Variants in PKD2 observed in about 807,000 individuals in gnomAD.
PKD2 encodes the protein polycystin-2.
A neutral mutation model predicts 105.9 loss-of-function variants in PKD2; 48 were observed. The ratio of observed to expected loss-of-function variants is 0.45; its 90% confidence interval spans 0.36 to 0.58. The LOEUF (loss-of-function observed/expected upper bound fraction) is 0.58. PKD2 is among the 20% of genes least tolerant of loss of function. The pLI is 0.00. For synonymous variants in PKD2, 464 were observed against 481.1 expected, an observed-to-expected ratio of 0.96 and a Z score of 0.46; for missense variants, 1,078 against 1,255.3, an observed-to-expected ratio of 0.86 and a Z score of 2.13.
At chr4:88,018,863 A>G (rs538323812) in intron 1 of PKD2, among the ~76,000 whole-genome samples, 4 of 152,248 alleles carry the variant, frequency 2.6e-5, no homozygotes, top group African/African-American at 7.2e-5. Flanking sequence ...AAGCACGCTT[A>G]GTGTAATCAG....
At chr4:88,054,284 C>T (rs1295281812) in intron 7 of PKD2, among the ~76,000 whole-genome samples, 2 of 151,622 alleles carry the variant, frequency 1.3e-5, no homozygotes, top group African/African-American at 2.4e-5. Flanking sequence ...GCCTATGATC[C>T]CAGCTACTTG....
chr4:88,039,335 C>T (rs1370487616), intron 4 of PKD2, among the ~76,000 whole-genome samples: 1 of 152,144 alleles, frequency 6.6e-6, no homozygotes, highest in Non-Finnish European at 1.5e-5. Context: ...CCAGTATACA[C>T]TCTATTTAAT....
intron 2 of PKD2, among the ~76,000 whole-genome samples, chr4:88,033,847 C>A (rs1481754352): frequency 6.6e-6 from 1 of 152,048 alleles, no homozygotes; most frequent in Non-Finnish European, 1.5e-5. Flanking sequence ...CTCTGAGCAG[C>A]CTTCACTGCT....
chr4:88,051,816 T>C (rs907849580), intron 6 of PKD2, among the ~76,000 whole-genome samples, 175 bp from the exon 7 acceptor site: 1 of 152,244 alleles, frequency 6.6e-6, no homozygotes, highest in Non-Finnish European at 1.5e-5. Flanking sequence ...ACTTATTTTA[T>C]GGCAGGGCTT....
chr4:88,038,569 A>G, intron 4 of PKD2, 68 bp downstream of exon 4: 1 of 1,499,882 alleles, frequency 6.7e-7, no homozygotes, highest in Non-Finnish European at 9.3e-7. Flanking sequence ...CCCACCATTC[A>G]TTCATTCATT....
chr4:88,034,485 A>G (rs774217812), intron 2 of PKD2, among the ~76,000 whole-genome samples: 3 of 152,070 alleles, frequency 2.0e-5, no homozygotes, highest in Non-Finnish European at 4.4e-5. Context: ...CCTGACCAAC[A>G]TGGTGAAACC....
intron 1 of PKD2, among the ~76,000 whole-genome samples, chr4:88,014,327 T>G (rs996320425): frequency 6.6e-5 from 10 of 152,116 alleles, no homozygotes; most frequent in African/African-American, 2.2e-4. Context: ...AACATATACT[T>G]GTCTGCACCT....
intron 1 of PKD2, among the ~76,000 whole-genome samples, chr4:88,012,657 A>G (rs1422690816): frequency 6.6e-6 from 1 of 151,136 alleles, no homozygotes; most frequent in Non-Finnish European, 1.5e-5. Context: ...ACTTAACACA[A>G]TTTATTTCCA....
intron 9 of PKD2, 151 bp downstream of exon 9, chr4:88,058,254 A>G: frequency 1.6e-6 from 1 of 630,210 alleles, no homozygotes; most frequent in East Asian, 2.8e-5. Context: ...TTTTCCTTTT[A>G]TTAATTCACA....
At chr4:88,073,080 G>C (rs1208389797) in intron 13 of PKD2, among the ~76,000 whole-genome samples, 2 of 150,472 alleles carry the variant, frequency 1.3e-5, no homozygotes, top group Non-Finnish European at 3.0e-5. Context: ...GCTGGGCATG[G>C]TGGCTCATGC....
At position 88,019,567 on chromosome 4, in the gene PKD2, C is replaced by T. The variant is rs758633868; in HGVS notation, c.705C>T (p.Cys235=). The T allele has an allele frequency of 3.5e-5, 51 of 1,455,176 alleles. 1 individual carries two copies. Among genetic ancestry groups the T allele is most frequent in the South Asian group, 1.0e-4 (9 of 87,898 alleles). 90.1% of individuals were successfully genotyped at this position (1,455,176 alleles called of 1,614,324 possible). The change falls in exon 2 of 15, where the codon TGC becomes TGT. Residue 235 remains cysteine, a synonymous_variant. Coordinates refer to ENST00000237596, the MANE Select transcript of PKD2 (RefSeq NM_000297.4). ...ACCTCCTTTTTCTCATAGTCTTGTG[C>T]ATCTGTAAGTAGAATATTTCCTTGC... ...VTYLLFLIVL[C]ILTYGMMSSN... is the part of the protein sequence containing the mutation.
intron 1 of PKD2, among the ~76,000 whole-genome samples, 159 bp downstream of exon 1, chr4:88,008,487 C>T (rs1578111958): frequency 6.6e-6 from 1 of 152,214 alleles, no homozygotes; most frequent in Non-Finnish European, 1.5e-5. Flanking sequence ...TAGTGCTGCC[C>T]TATTTCCGGT....
At chr4:88,069,349 C>CT (rs1454383455) in intron 13 of PKD2, among the ~76,000 whole-genome samples, 4 of 151,586 alleles carry the variant, frequency 2.6e-5, no homozygotes, top group Admixed American at 1.3e-4. Context: ...TTCTAGCTTA[C>CT]TTTTTTTTGT....
intron 3 of PKD2, among the ~76,000 whole-genome samples, chr4:88,037,227 C>T (rs1236880308): frequency 6.6e-6 from 1 of 151,696 alleles, no homozygotes; most frequent in Non-Finnish European, 1.5e-5. Flanking sequence ...AGAGTGAGAC[C>T]CTTTCTCAAA....
chr4:88,025,722 C>G (rs1253191960), intron 2 of PKD2, among the ~76,000 whole-genome samples: 2 of 152,130 alleles, frequency 1.3e-5, no homozygotes, highest in Non-Finnish European at 2.9e-5. Flanking sequence ...CAATTGTAAT[C>G]CCCGTGTATT....
chr4:88,069,968 A>G (rs936398199), intron 13 of PKD2, among the ~76,000 whole-genome samples: 3 of 152,218 alleles, frequency 2.0e-5, no homozygotes, highest in Non-Finnish European at 4.4e-5. Flanking sequence ...AAATGTACAT[A>G]TATACTATAT....
intron 2 of PKD2, among the ~76,000 whole-genome samples, chr4:88,027,086 A>G (rs546552674): frequency 6.6e-6 from 1 of 152,374 alleles, no homozygotes; most frequent in East Asian, 1.9e-4. Flanking sequence ...TGGAGCTCCC[A>G]CACAGAGTCC....
At position 88,065,856 on chromosome 4, in the gene PKD2, A is replaced by G; in HGVS notation, c.2335A>G (p.Arg779Gly). ...GACCGAACATGAACATCAGCAGATG[A>G]GAGACGACTTGGAGAAAGAGAGGGT... The part of the protein sequence containing the change: ...ELTEHEHQQM[R>G]DDLEKEREDL... Residue 779 changes from arginine (R) to glycine (G), a missense_variant, in exon 12 of 15, where the codon AGA becomes GGA. Transcript: ENST00000237596. 1 of 1,611,000 alleles carries G rather than the reference A, an allele frequency of 6.2e-7. No individual in the cohort carries two copies. The highest frequency in any genetic ancestry group is 1.3e-5 in the African/African-American group (1 of 74,970).
chr4:88,063,953 G>A (rs1024355515), intron 10 of PKD2, among the ~76,000 whole-genome samples: 6 of 152,054 alleles, frequency 3.9e-5, no homozygotes, highest in Admixed American at 6.6e-5. Flanking sequence ...CCAGGAAGTC[G>A]AGACAAGCCT....
Sources: gnomAD v4.1 joint callset for allele counts (sites outside exome capture counted in the v4.1 genomes callset) on GRCh38, gnomAD v4.1.1 for gene constraint, MANE v1.5 for transcripts, NCBI Gene and HGNC (gene_info 2026-07-23, HGNC 2026-07-21) for gene names.